Variants in VOPP1 observed in about 807,000 individuals in gnomAD.
VOPP1 encodes the protein WW domain binding protein VOPP1.
In VOPP1, 8 loss-of-function variants were observed where a neutral mutation model predicts 23.5. The ratio of observed to expected loss-of-function variants is 0.34; its 90% CI spans 0.20 to 0.61. The LOEUF is 0.61. Among genes scored for constraint, VOPP1 ranks in the 20% least tolerant of loss-of-function variants. The pLI is 0.78. For synonymous variants in VOPP1, 83 were observed against 97.3 expected (o/e 0.85, Z 0.86); for missense variants, 174 against 238.1 (o/e 0.73, Z 1.77).
At chr7:55,517,654 G>A (rs1001025212) in intron 2 of VOPP1, among the ~76,000 whole-genome samples, 1 of 152,094 alleles carries the variant, frequency 6.6e-6, no homozygotes. Flanking sequence ...CAAAAATAAC[G>A]TACCCCTCAA....
At chr7:55,564,045 G>T in intron 1 of VOPP1, among the ~76,000 whole-genome samples, 1 of 152,132 alleles carries the variant, frequency 6.6e-6, no homozygotes, top group African/African-American at 2.4e-5. Context: ...GAGAAGAACA[G>T]AGGTTGCAGA....
At chr7:55,547,425 A>G (rs1797415783) in intron 1 of VOPP1, among the ~76,000 whole-genome samples, 1 of 152,228 alleles carries the variant, frequency 6.6e-6, no homozygotes, top group Non-Finnish European at 1.5e-5. Flanking sequence ...ATTAACAGTG[A>G]CATGTAAGTA....
intron 4 of VOPP1, among the ~76,000 whole-genome samples, chr7:55,475,875 G>A (rs1050519825): frequency 1.3e-5 from 2 of 152,214 alleles, no homozygotes; most frequent in Non-Finnish European, 2.9e-5. Context: ...GGCATGGGAT[G>A]GGGATTGGGT....
At chr7:55,547,162 C>T (rs976099958) in intron 1 of VOPP1, among the ~76,000 whole-genome samples, 1 of 152,140 alleles carries the variant, frequency 6.6e-6, no homozygotes, top group African/African-American at 2.4e-5. Context: ...GGTCTTGATT[C>T]CACTGTTCTC....
At chr7:55,551,413 T>C (rs1465080942) in intron 1 of VOPP1, among the ~76,000 whole-genome samples, 1 of 152,090 alleles carries the variant, frequency 6.6e-6, no homozygotes, top group Non-Finnish European at 1.5e-5. Context: ...CACAAAATGC[T>C]TTCCCTTCAA....
In VOPP1 at chr7:55,462,349, A is replaced by C. The variant is rs892740533; in HGVS notation, n.418-26175T>G. 2.0e-5 allele frequency among the ~76,000 whole-genome samples: 3 copies of C among 152,176 alleles called. 1 individual carries two copies. In the South Asian group the frequency reaches 6.2e-4, roughly 32 times the overall value. On this transcript the variant is annotated intron_variant and non_coding_transcript_variant, in intron 4 of 4. Transcript: ENST00000462326. The stretch of plus-strand genomic sequence containing the variant: ...CCTTGGGGAAGACTTTTTCGGGTTC[A>C]ATCTATTTGGGTATCTTTAAGCTTC...
intron 4 of VOPP1, among the ~76,000 whole-genome samples, chr7:55,488,369 C>T (rs1045140794): frequency 6.6e-6 from 1 of 152,192 alleles, no homozygotes; most frequent in African/African-American, 2.4e-5. Context: ...AGCCTCTGCA[C>T]AACCCGGCCA....
chr7:55,520,884 A>T (rs1403105072), intron 2 of VOPP1, among the ~76,000 whole-genome samples, 188 bp downstream of exon 2: 1 of 152,218 alleles, frequency 6.6e-6, no homozygotes, highest in Non-Finnish European at 1.5e-5. Flanking sequence ...CCTCAACGTA[A>T]CTGGTCTGAG....
chr7:55,435,733 A>G (rs1260444965), downstream of VOPP1, among the ~76,000 whole-genome samples: 1 of 152,214 alleles, frequency 6.6e-6, no homozygotes, highest in African/African-American at 2.4e-5. Flanking sequence ...CTATCCTGAG[A>G]TCAGTCGGCT....
At chr7:55,474,528 G>C (rs1474245382) in intron 4 of VOPP1, among the ~76,000 whole-genome samples, 1 of 152,230 alleles carries the variant, frequency 6.6e-6, no homozygotes, top group Non-Finnish European at 1.5e-5. Context: ...CACAGCGTGG[G>C]AGACAAGGGC....
At chr7:55,544,321 G>A (rs1797270048) in intron 1 of VOPP1, among the ~76,000 whole-genome samples, 1 of 152,188 alleles carries the variant, frequency 6.6e-6, no homozygotes, top group Admixed American at 6.5e-5. Context: ...AAAATATGAT[G>A]AAATTGGAAC....
chr7:55,505,614 G>A (rs866895544), intron 2 of VOPP1, among the ~76,000 whole-genome samples: 4 of 129,904 alleles, frequency 3.1e-5, no homozygotes, highest in Admixed American at 9.4e-5. Flanking sequence ...TTTAGAAAGA[G>A]AGAGGGGGAA....
intron 4 of VOPP1, among the ~76,000 whole-genome samples, chr7:55,453,267 A>G (rs371674692): frequency 1.3e-5 from 2 of 152,214 alleles, no homozygotes; most frequent in South Asian, 2.1e-4. Flanking sequence ...ATTGAAGACT[A>G]TATCAGCATT....
downstream of VOPP1, among the ~76,000 whole-genome samples, chr7:55,466,434 A>G (rs2129004855): frequency 6.6e-6 from 1 of 152,236 alleles, no homozygotes; most frequent in Non-Finnish European, 1.5e-5. Flanking sequence ...CTTTATGACA[A>G]AGCATTTTAA....
intron 3 of VOPP1, among the ~76,000 whole-genome samples, chr7:55,495,452 A>C (rs1286115014): frequency 2.0e-5 from 3 of 151,970 alleles, no homozygotes; most frequent in Admixed American, 6.5e-5. Context: ...GCTCATCCTC[A>C]CCACAGAAGC....
intron 2 of VOPP1, among the ~76,000 whole-genome samples, chr7:55,499,394 G>A (rs1246230864): frequency 1.3e-5 from 2 of 152,232 alleles, no homozygotes; most frequent in Non-Finnish European, 2.9e-5. Context: ...AGAGGTTGCA[G>A]TGAGCCAAGA....
intron 4 of VOPP1, among the ~76,000 whole-genome samples, chr7:55,436,341 T>C (rs1208831081): frequency 6.6e-6 from 1 of 152,180 alleles, no homozygotes; most frequent in East Asian, 1.9e-4. Flanking sequence ...TTCTTCTCTA[T>C]AAAATCAGGA....
chr7:55,448,362 C>G (rs1045045942), intron 4 of VOPP1, among the ~76,000 whole-genome samples: 3 of 152,028 alleles, frequency 2.0e-5, no homozygotes, highest in Admixed American at 2.0e-4. Flanking sequence ...ATTATAAACA[C>G]AAAATATGGG....
At chr7:55,468,581 A>G (rs1241557312), downstream of VOPP1, among the ~76,000 whole-genome samples, 1 of 152,250 alleles carries the variant, frequency 6.6e-6, no homozygotes, top group East Asian at 1.9e-4. Flanking sequence ...GTTTGTCTGG[A>G]TGAGCGACTG....
Sources: allele counts gnomAD v4.1 joint callset (sites outside exome capture counted in the v4.1 genomes callset), GRCh38; gene constraint gnomAD v4.1.1; transcripts MANE v1.5; gene names NCBI Gene and HGNC (gene_info 2026-07-23, HGNC 2026-07-21).